GRAMD1B: variants seen among roughly 807,000 people sequenced by gnomAD.
GRAMD1B encodes the protein GRAM domain containing 1B, also known as protein Aster-B.
Under a neutral mutation model 99.7 loss-of-function variants are expected in GRAMD1B, and 37 were observed. The observed-to-expected ratio is 0.37, with a 90% CI of 0.29 to 0.49. GRAMD1B has a LOEUF of 0.49. Ranked by LOEUF, GRAMD1B falls within the 20% of genes least tolerant of loss-of-function variation. The probability of loss-of-function intolerance (pLI) is 0.98; values close to 1 mark genes in which losing one functional copy is unlikely to be tolerated. For synonymous variants in GRAMD1B, 427 were observed against 387.6 expected, an observed-to-expected ratio of 1.10 and a Z score of -1.19; for missense variants, 888 against 1,009.2, an observed-to-expected ratio of 0.88 and a Z score of 1.63.
intron 4 of GRAMD1B, among the ~76,000 whole-genome samples, chr11:123,592,556 A>C (rs567796032): frequency 6.6e-6 from 1 of 152,304 alleles, no homozygotes; most frequent in East Asian, 1.9e-4. Context: ...ATGAGAACTC[A>C]CTGGCGATCA....
intron 3 of GRAMD1B, among the ~76,000 whole-genome samples, chr11:123,583,893 A>G (rs1592133361): frequency 6.6e-6 from 1 of 152,046 alleles, no homozygotes; most frequent in South Asian, 2.1e-4. Context: ...AAAGTGTCCC[A>G]CCCTGCCTTT....
At chr11:123,455,310 C>T (rs1017528916) in intron 1 of GRAMD1B, among the ~76,000 whole-genome samples, 3 of 152,086 alleles carry the variant, frequency 2.0e-5, no homozygotes, top group African/African-American at 4.8e-5. Flanking sequence ...AAACGAGGGT[C>T]TTACTATGTT....
chr11:123,420,104 A>T (rs907547813), intron 1 of GRAMD1B, among the ~76,000 whole-genome samples: 4 of 152,216 alleles, frequency 2.6e-5, no homozygotes, highest in African/African-American at 2.4e-5. Context: ...AAGACCATGG[A>T]AAGGCTACTT....
intron 1 of GRAMD1B, among the ~76,000 whole-genome samples, chr11:123,414,361 TATA>T (rs1565483608): frequency 6.6e-6 from 1 of 152,146 alleles, no homozygotes; most frequent in Non-Finnish European, 1.5e-5. Context: ...TCATCATCAT[TATA>T]ATAATAATTA....
In GRAMD1B at chr11:123,587,509, G is replaced by T. The variant is rs1246556662; in HGVS notation, c.684+3177G>T. Reference sequence around the variant, plus strand: ...AGAGTTGAGGGGCAACCTGGCCAGGGCCACTGGGGCAAGAGGGGTGAAATT... The same window carrying T: ...AGAGTTGAGGGGCAACCTGGCCAGGTCCACTGGGGCAAGAGGGGTGAAATT... On this transcript the variant is annotated intron_variant, in intron 4 of 19. Coordinates refer to ENST00000635736, the MANE Select transcript of GRAMD1B (RefSeq NM_001387025.1). This position sits in a 1 kb window ranked among gnomAD's most constrained non-coding sequence, Gnocchi z 4.2. Among the ~76,000 whole-genome samples, 2 of 152,216 alleles carry T rather than the reference G, an allele frequency of 1.3e-5. No homozygotes were observed. The highest frequency in any genetic ancestry group is 4.8e-5 in the African/African-American group (2 of 41,474).
rs180979370 is a variant in GRAMD1B at position 123,559,130 on chromosome 11, G to A, written c.453-18237G>A. ...GTCCCGGAATAGCAACGTGGGCATC[G>A]CCTGGGGTTTGTTAGAAAGGCTGAC... On this transcript the variant is annotated intron_variant, in intron 2 of 19. Coordinates refer to ENST00000635736, the MANE Select transcript of GRAMD1B (RefSeq NM_001387025.1). 2.6e-5 allele frequency among the ~76,000 whole-genome samples: 4 copies of A among 152,342 alleles called. No homozygotes were observed. In the East Asian group the frequency reaches 7.7e-4, roughly 29 times the overall value.
upstream of GRAMD1B, among the ~76,000 whole-genome samples, chr11:123,426,230 C>T (rs142565912): frequency 3.9e-5 from 6 of 152,316 alleles, 1 homozygote; most frequent in African/African-American, 1.4e-4. Context: ...TCATCTCTTT[C>T]CTGCCACTGC....
chr11:123,451,318 G>A (rs1425827228), intron 1 of GRAMD1B, among the ~76,000 whole-genome samples: 1 of 152,124 alleles, frequency 6.6e-6, no homozygotes, highest in Non-Finnish European at 1.5e-5. Context: ...GCATCCTGTG[G>A]GGCAGATGTA....
At chr11:123,393,866 C>T (rs1183338238) in intron 1 of GRAMD1B, among the ~76,000 whole-genome samples, 4 of 152,118 alleles carry the variant, frequency 2.6e-5, no homozygotes, top group African/African-American at 9.7e-5. Flanking sequence ...TGGCCAGCAC[C>T]TCGACTGGGG....
chr11:123,606,046 A>G (rs1952664603), intron 10 of GRAMD1B, among the ~76,000 whole-genome samples: 1 of 152,188 alleles, frequency 6.6e-6, no homozygotes, highest in Non-Finnish European at 1.5e-5. Flanking sequence ...AAGAACAGGT[A>G]GGGTTCTTCA....
chr11:123,363,258 G>T (rs1946205670), intron 1 of GRAMD1B, among the ~76,000 whole-genome samples: 2 of 152,128 alleles, frequency 1.3e-5, no homozygotes. Context: ...TTTGCAGAAT[G>T]GAAATTAAAC....
At chr11:123,433,661 C>T (rs948719013) in intron 1 of GRAMD1B, among the ~76,000 whole-genome samples, 5 of 149,236 alleles carry the variant, frequency 3.4e-5, no homozygotes, top group Admixed American at 1.4e-4. Flanking sequence ...CCACCCCCAA[C>T]GCTTAAAATG....
intron 17 of GRAMD1B, among the ~76,000 whole-genome samples, chr11:123,617,169 C>CTTTTTTTTTTTTTTTTTTT (rs34788392): frequency 7.5e-5 from 10 of 133,686 alleles, no homozygotes; most frequent in Admixed American, 1.5e-4. Flanking sequence ...TCTTTCTTTC[C>CTTTTTTTTTTTTTTTTTTT]TTTTTTTTTT....
At chr11:123,420,542 G>A (rs1465406477) in intron 1 of GRAMD1B, among the ~76,000 whole-genome samples, 1 of 151,934 alleles carries the variant, frequency 6.6e-6, no homozygotes, top group Admixed American at 6.6e-5. Flanking sequence ...TTTAGAATTC[G>A]ATACAAACTC....
intron 1 of GRAMD1B, among the ~76,000 whole-genome samples, chr11:123,436,859 C>T (rs1020876695): frequency 1.3e-4 from 20 of 152,200 alleles, no homozygotes; most frequent in South Asian, 4.2e-4. Context: ...CCCATTAACT[C>T]GTCATTTAAC....
At chr11:123,505,292 C>T (rs1015718173) in intron 2 of GRAMD1B, among the ~76,000 whole-genome samples, 2 of 152,080 alleles carry the variant, frequency 1.3e-5, no homozygotes, top group African/African-American at 2.4e-5. Flanking sequence ...TTAGCCTCCC[C>T]AAGTGCTGGG....
chr11:123,441,945 G>A (rs1243156405), intron 1 of GRAMD1B, among the ~76,000 whole-genome samples: 1 of 152,200 alleles, frequency 6.6e-6, no homozygotes. Context: ...TCTGTGCCTT[G>A]CACTTCTAGA....
intron 2 of GRAMD1B, among the ~76,000 whole-genome samples, chr11:123,562,170 G>A (rs905728793): frequency 1.3e-5 from 2 of 151,062 alleles, no homozygotes; most frequent in Non-Finnish European, 3.0e-5. Context: ...GCAACATCGC[G>A]AGACCCTGCC....
intron 1 of GRAMD1B, among the ~76,000 whole-genome samples, chr11:123,403,555 T>G (rs1947748894): frequency 6.6e-6 from 1 of 151,718 alleles, no homozygotes. Flanking sequence ...TTTGTAAAAT[T>G]GTTTTAAGAC....
Sources: gnomAD v4.1 joint callset for allele counts (sites outside exome capture counted in the v4.1 genomes callset) on GRCh38, gnomAD v4.1.1 for gene constraint, Gnocchi (gnomAD v3.1) non-coding constraint, MANE v1.5 for transcripts, NCBI Gene and HGNC (gene_info 2026-07-23, HGNC 2026-07-21) for gene names.